KDM5B: variants seen among roughly 807,000 people sequenced by gnomAD.
KDM5B encodes lysine-specific demethylase 5B.
A neutral mutation model predicts 193.4 loss-of-function variants in KDM5B; 144 were observed. The ratio of observed to expected loss-of-function variants is 0.74; its 90% CI spans 0.65 to 0.86. KDM5B has a LOEUF of 0.86. KDM5B is among the 40% of genes least tolerant of loss of function. The probability of loss-of-function intolerance (pLI) is 0.00; values close to 1 mark genes in which losing one functional copy is unlikely to be tolerated. For synonymous variants in KDM5B, 668 were observed against 682.6 expected (o/e 0.98, Z 0.33); for missense variants, 1,833 against 1,886.9 (o/e 0.97, Z 0.53).
rs1237715694 is a variant in KDM5B at position 202,752,829 on chromosome 1, T to TA, written c.1701+75dup. 5 of 1,391,888 alleles carry TA rather than the reference T, an allele frequency of 3.6e-6. No homozygotes were observed. The East Asian group carries it at 9.2e-5, about 26-fold the overall frequency. 86.2% of individuals were successfully genotyped at this position (1,391,888 alleles called of 1,614,324 possible). A position where few individuals can be genotyped will look rare whatever the true frequency, so the allele number is the denominator to read the frequency against. On this transcript the variant is annotated intron_variant, in intron 12 of 26. Transcript: ENST00000367265. ...AAAACACAGAACTAAATCAACATCA[T>TA]AAAAAAGTGAATAAAAAGGAAAAAG...
chr1:202,788,472 C>A (rs768960549), intron 1 of KDM5B, among the ~76,000 whole-genome samples: 1 of 152,126 alleles, frequency 6.6e-6, no homozygotes, highest in Non-Finnish European at 1.5e-5. Context: ...AAGGGATATG[C>A]CATGGTATTT....
chr1:202,730,185 T>TAC (rs1276641416), intron 25 of KDM5B, among the ~76,000 whole-genome samples, 158 bp from the exon 26 acceptor site: 2 of 152,210 alleles, frequency 1.3e-5, no homozygotes, highest in East Asian at 3.8e-4. Flanking sequence ...CAGTCTTGTA[T>TAC]AAGACAACCA....
Position 202,777,085 on chromosome 1 carries a change from G to A in KDM5B, c.214C>T (p.Pro72Ser). The A allele has an allele frequency of 6.2e-7, 1 of 1,612,358 alleles. No individual in the cohort carries two copies. Among genetic ancestry groups the A allele is most frequent in the Non-Finnish European group, 8.5e-7 (1 of 1,178,498 alleles). ...CKVRPPPDWQ[P>S]PFACDVDKLH... is the part of the protein sequence containing the mutation. ...TTATCAACATCACATGCAAATGGTG[G>A]CTGCCAATCCTAGGAGAAAGCAAAG... Residue 72 changes from proline (P) to serine (S), a missense_variant, in exon 2 of 27, where the codon CCA becomes TCA. By Grantham distance (74) the Pro-to-Ser change is moderately conservative (BLOSUM62 -1). Transcript: ENST00000367265.
rs374124646 is a variant in KDM5B at position 202,733,704 on chromosome 1, A to G, written c.3606T>C (p.Ser1202=). 306 of 1,614,014 alleles carry G rather than the reference A, an allele frequency of 1.9e-4. No individual in the cohort carries two copies. Among genetic ancestry groups the G allele is most frequent in the Non-Finnish European group, 2.5e-4 (300 of 1,180,022 alleles). ...CELCRDAFHT[S]CVAVPSISQG... Reference sequence around the variant, plus strand: ...GTGAAATACTGGGTACCGCCACACAACTGGTGTGGAAAGCATCCCTGCAGA... The same window carrying G: ...GTGAAATACTGGGTACCGCCACACAGCTGGTGTGGAAAGCATCCCTGCAGA... Residue 1202 remains serine, a synonymous_variant, in exon 23 of 27, where the codon AGT becomes AGC. Coordinates refer to ENST00000367265, the MANE Select transcript of KDM5B (RefSeq NM_006618.5).
chr1:202,779,844 T>TAAAAA (rs571022585), intron 1 of KDM5B, among the ~76,000 whole-genome samples: 1 of 145,856 alleles, frequency 6.9e-6, no homozygotes, highest in South Asian at 2.1e-4. Flanking sequence ...AATAAATAAA[T>TAAAAA]AAAAAATAAA....
chr1:202,769,102 T>C (rs1656600540), intron 4 of KDM5B, among the ~76,000 whole-genome samples: 1 of 148,472 alleles, frequency 6.7e-6, no homozygotes, highest in African/African-American at 2.5e-5. Flanking sequence ...AGTGGCGCCA[T>C]CTTGGCTCAC....
intron 1 of KDM5B, among the ~76,000 whole-genome samples, chr1:202,782,647 T>G (rs976521684): frequency 6.6e-6 from 1 of 152,172 alleles, no homozygotes; most frequent in African/African-American, 2.4e-5. Context: ...CTTAGAAACA[T>G]TGCGATAATG....
At chr1:202,786,580 A>T (rs1466004686) in intron 1 of KDM5B, among the ~76,000 whole-genome samples, 3 of 152,208 alleles carry the variant, frequency 2.0e-5, no homozygotes, top group African/African-American at 7.2e-5. Context: ...AAATGCAAAA[A>T]TGGCAAAAAC....
chr1:202,752,725 A>G (rs775596815), intron 12 of KDM5B, among the ~76,000 whole-genome samples, 180 bp downstream of exon 12: 27 of 152,252 alleles, frequency 1.8e-4, no homozygotes, highest in Non-Finnish European at 3.4e-4. Flanking sequence ...TTTTTGTGGT[A>G]TCTAAGGATC....
chr1:202,750,924 A>G (rs1288474075), intron 12 of KDM5B, 146 bp from the exon 13 acceptor site: 2 of 707,538 alleles, frequency 2.8e-6, no homozygotes, highest in Non-Finnish European at 2.3e-6. Flanking sequence ...TTATAGTAGA[A>G]TATCACCTAG....
chr1:202,777,345 A>T, intron 1 of KDM5B, among the ~76,000 whole-genome samples: 1 of 89,286 alleles, frequency 1.1e-5, no homozygotes, highest in East Asian at 3.7e-4. Flanking sequence ...AATGTCATTG[A>T]GCCTGTAAAA....
chr1:202,758,142 G>A (rs1463812084), intron 9 of KDM5B, among the ~76,000 whole-genome samples: 1 of 152,070 alleles, frequency 6.6e-6, no homozygotes, highest in Non-Finnish European at 1.5e-5. Flanking sequence ...TTCTTTATTA[G>A]TGTTCTATTA....
chr1:202,736,095 G>T, intron 21 of KDM5B, 118 bp downstream of exon 21: 1 of 709,002 alleles, frequency 1.4e-6, no homozygotes, highest in Non-Finnish European at 2.1e-6. Context: ...GGCTTTACGG[G>T]AAGAACAACT....
rs150496010 is a variant in KDM5B, at chr1:202,748,251, T to C, written c.2016+694A>G. ...CATATTTTTGAAAAACAAAAATTAC[T>C]TGAAATAGATGAAAGACCTAAATGT... On this transcript the variant is annotated intron_variant, in intron 14 of 26. Transcript: ENST00000367265. 9.9e-4 allele frequency among the ~76,000 whole-genome samples: 150 copies of C among 152,264 alleles called. 1 individual carries two copies. Among genetic ancestry groups the C allele is most frequent in the East Asian group, 6.7e-3 (35 of 5,186 alleles).
chr1:202,808,418 G>C lies in KDM5B; in HGVS notation c.-113C>G, dbSNP rs999448218. 15 of 977,364 alleles carry C rather than the reference G, an allele frequency of 1.5e-5. No individual in the cohort carries two copies. The highest frequency in any genetic ancestry group is 3.4e-5 in the South Asian group (2 of 58,754). The allele number at this position is 977,364 out of a possible 1,614,324, so 60.5% of individuals were successfully genotyped here. A position where few individuals can be genotyped will look rare whatever the true frequency, so the allele number is the denominator to read the frequency against. On this transcript the variant is annotated 5_prime_UTR_variant, in exon 1 of 27. Transcript: ENST00000367265. ...GCTCGAGCAACAGCAAGTCCGAGTT[G>C]TACGGGCAACGGCAGCACCTTGGGC...
intron 1 of KDM5B, among the ~76,000 whole-genome samples, chr1:202,802,978 CG>C (rs1658134977): frequency 6.6e-6 from 1 of 151,708 alleles, no homozygotes; most frequent in South Asian, 2.1e-4. Flanking sequence ...GAGGCCAAAG[CG>C]GGAGAACTGC....
In KDM5B at chr1:202,745,817, C is replaced by T. The variant is rs775656950; in HGVS notation, c.2323+41G>A. 3.1e-6 allele frequency: 5 copies of T among 1,610,734 alleles called. No homozygotes were observed. The South Asian group carries it at 5.5e-5, about 18-fold the overall frequency. On this transcript the variant is annotated intron_variant, in intron 16 of 26. Coordinates refer to ENST00000367265, the MANE Select transcript of KDM5B (RefSeq NM_006618.5). ...TTAATTTGGCTACATCACAATAAGC[C>T]CCAATTTGCCAATCACCAAGTCACT...
In KDM5B at chr1:202,726,561, T is replaced by G. The variant is rs1223476254; in HGVS notation, c.*2475A>C. On this transcript the variant is annotated 3_prime_UTR_variant, in exon 27 of 27. Coordinates refer to ENST00000367265, the MANE Select transcript of KDM5B (RefSeq NM_006618.5). ...CCTCCTTCTGGTTCAGGCTCTAACTTAACACAGTCCCTTCCCCTCTCCCAC... is the reference window on the plus strand; with the variant it reads ...CCTCCTTCTGGTTCAGGCTCTAACTGAACACAGTCCCTTCCCCTCTCCCAC... 2 of 152,174 alleles carry G rather than the reference T, an allele frequency of 1.3e-5. No homozygotes were observed. Among genetic ancestry groups the G allele is most frequent in the Non-Finnish European group, 2.9e-5 (2 of 68,046 alleles). 9.4% of individuals were successfully genotyped at this position (152,174 alleles called of 1,614,324 possible).
intron 7 of KDM5B, among the ~76,000 whole-genome samples, chr1:202,761,351 A>C (rs1656243285): frequency 6.6e-6 from 1 of 152,136 alleles, no homozygotes; most frequent in African/African-American, 2.4e-5. Flanking sequence ...AGGCTGGGGC[A>C]AAAGGATCCC....
Sources: gnomAD v4.1 joint callset for allele counts (sites outside exome capture counted in the v4.1 genomes callset) on GRCh38, gnomAD v4.1.1 for gene constraint, MANE v1.5 for transcripts, NCBI Gene and HGNC (gene_info 2026-07-23, HGNC 2026-07-21) for gene names.